SLC11A2: variants seen among roughly 807,000 people sequenced by gnomAD.
The protein encoded by SLC11A2 is solute carrier family 11 member 2, also known as natural resistance-associated macrophage protein 2.
Under a neutral mutation model 68.0 loss-of-function variants are expected in SLC11A2, and 38 were observed. The ratio of observed to expected loss-of-function variants is 0.56; its 90% CI spans 0.43 to 0.73. The LOEUF (loss-of-function observed/expected upper bound fraction) is 0.73, where lower values mean the gene tolerates loss of function less well. Among genes scored for constraint, SLC11A2 ranks in the 30% least tolerant of loss-of-function variants. The pLI is 0.00. For missense variants in SLC11A2, 517 were observed against 690.5 expected, an observed-to-expected ratio of 0.75 and a Z score of 2.82; for synonymous variants, 242 against 250.6, an observed-to-expected ratio of 0.97 and a Z score of 0.32.
chr12:50,987,524 G>A lies in SLC11A2; in HGVS notation c.*801C>T. The A allele has an allele frequency of 7.8e-7, 1 of 1,287,150 alleles. No homozygotes were observed. 79.7% of individuals were successfully genotyped at this position (1,287,150 alleles called of 1,614,324 possible). ...ACCCTCCTGGAGAAAGAAAGTTAAGGTTTTACAACCACATGTGCTCAAGAG... is the reference window on the plus strand; with the variant it reads ...ACCCTCCTGGAGAAAGAAAGTTAAGATTTTACAACCACATGTGCTCAAGAG... On this transcript the variant is annotated 3_prime_UTR_variant, in exon 16 of 16. Transcript: ENST00000262052.
chr12:51,001,816 A>G (rs1002396537), intron 5 of SLC11A2, among the ~76,000 whole-genome samples: 3 of 152,164 alleles, frequency 2.0e-5, no homozygotes, highest in African/African-American at 7.2e-5. Flanking sequence ...AGTGGGCAAC[A>G]AACAAGAGCA....
chr12:50,968,196 A>G, the SLC11A2 span, among the ~76,000 whole-genome samples: 1 of 152,184 alleles, frequency 6.6e-6, no homozygotes. Context: ...GGAGTTGGCT[A>G]AACAGTTTAT....
the SLC11A2 span, among the ~76,000 whole-genome samples, chr12:50,958,612 T>C: frequency 6.6e-6 from 1 of 151,634 alleles, no homozygotes; most frequent in Non-Finnish European, 1.5e-5. Flanking sequence ...AAGATAAAAG[T>C]GGAAAGAATC....
Position 50,990,875 on chromosome 12 carries a change from C to T in SLC11A2, c.1495G>A (p.Val499Ile), listed in dbSNP as rs756888979. 5 of 1,614,044 alleles carry T rather than the reference C, an allele frequency of 3.1e-6. No homozygotes were observed. The highest frequency in any genetic ancestry group is 4.2e-6 in the Non-Finnish European group (5 of 1,179,948). ...SINMYFVVVY[V>I]RDLGHVALYV... The stretch of plus-strand genomic sequence containing the variant: ...AATGCCACATGCCCTAGGTCCCGGA[C>T]ATAAACCACTACAAAGTACATATTG... The change falls in exon 15 of 16, where the codon GTC (valine) becomes ATC (isoleucine). Residue 499 changes from valine (V) to isoleucine (I), a missense_variant. Physicochemically the swap from Val to Ile is conservative, Grantham distance 29 (BLOSUM62 3). Transcript: ENST00000262052.
At chr12:51,005,918 G>C in intron 3 of SLC11A2, 2 of 337,064 alleles carry the variant, frequency 5.9e-6, no homozygotes, top group Non-Finnish European at 1.2e-5. Flanking sequence ...AACTAGTTCA[G>C]GCCATGATGG....
intron 3 of SLC11A2, among the ~76,000 whole-genome samples, chr12:51,007,802 A>G (rs1384208929): frequency 1.3e-5 from 2 of 152,064 alleles, no homozygotes; most frequent in Non-Finnish European, 2.9e-5. Flanking sequence ...CACCATGCCC[A>G]GCTAATTTTT....
the SLC11A2 span, chr12:50,970,510 T>C: frequency 6.6e-7 from 1 of 1,513,812 alleles, no homozygotes. Flanking sequence ...AAAATGAAGC[T>C]TACATGCTGG....
downstream of SLC11A2, among the ~76,000 whole-genome samples, chr12:50,975,868 AC>A (rs1332581010): frequency 6.6e-6 from 1 of 152,234 alleles, no homozygotes; most frequent in Non-Finnish European, 1.5e-5. Flanking sequence ...GAACACCCCT[AC>A]GCAAATAAAC....
chr12:50,956,804 G>C, the SLC11A2 span, among the ~76,000 whole-genome samples: 1 of 152,004 alleles, frequency 6.6e-6, no homozygotes, highest in Non-Finnish European at 1.5e-5. Flanking sequence ...TCATTTTCTT[G>C]ATTTTTCTTT....
the SLC11A2 span, among the ~76,000 whole-genome samples, chr12:50,967,039 A>G: frequency 6.6e-6 from 1 of 151,822 alleles, no homozygotes; most frequent in East Asian, 1.9e-4. Flanking sequence ...ACTTGAACCC[A>G]GGAGGCAGAG....
chr12:50,990,210 C>T (rs1025775692), intron 15 of SLC11A2, among the ~76,000 whole-genome samples: 1 of 151,992 alleles, frequency 6.6e-6, no homozygotes, highest in Admixed American at 6.6e-5. Flanking sequence ...GAGACTATCA[C>T]TATTTAATTA....
In SLC11A2 at chr12:51,026,318, C is replaced by T. The variant is rs1489652487; in HGVS notation, c.-47G>A. On this transcript the variant is annotated 5_prime_UTR_variant, in exon 1 of 16. Coordinates refer to ENST00000262052, the MANE Select transcript of SLC11A2 (RefSeq NM_000617.3). ...CCTTGCCTTCCCCTCACCTTACCAGCTCCGCAACCACCTGACACGCCGCCC... is the reference window on the plus strand; with the variant it reads ...CCTTGCCTTCCCCTCACCTTACCAGTTCCGCAACCACCTGACACGCCGCCC... The T allele has an allele frequency of 1.6e-6, 2 of 1,273,002 alleles. No homozygotes were observed. The highest frequency in any genetic ancestry group is 2.0e-6 in the Non-Finnish European group (2 of 976,776). 78.9% of individuals were successfully genotyped at this position (1,273,002 alleles called of 1,614,324 possible).
chr12:50,957,250 G>A, the SLC11A2 span, among the ~76,000 whole-genome samples: 2,132 of 148,922 alleles, frequency 0.014, 34 homozygotes, highest in Non-Finnish European at 0.025. Context: ...TCCCTCTGTC[G>A]CCCAGGCTGG....
intron 5 of SLC11A2, among the ~76,000 whole-genome samples, chr12:51,001,541 T>C (rs1451833024): frequency 1.4e-5 from 2 of 144,552 alleles, no homozygotes; most frequent in Non-Finnish European, 3.0e-5. Context: ...GCCTACGGAA[T>C]AGCCTTTCTT....
chr12:51,001,122 G>A (rs946868958), intron 5 of SLC11A2, among the ~76,000 whole-genome samples: 36 of 148,164 alleles, frequency 2.4e-4, no homozygotes, highest in African/African-American at 1.2e-4. Context: ...CTGAGATTGC[G>A]CCACTGCACT....
chr12:50,988,238 G>A lies in SLC11A2; in HGVS notation c.*87C>T. On this transcript the variant is annotated 3_prime_UTR_variant, in exon 16 of 16. Transcript: ENST00000262052. ...AGTCATAAACACAGTCTGTGCAACG[G>A]CACATACTTTTGGCTATGTTCACAC... The A allele has an allele frequency of 6.2e-7, 1 of 1,602,512 alleles. No individual in the cohort carries two copies. Among genetic ancestry groups the A allele is most frequent in the Non-Finnish European group, 8.5e-7 (1 of 1,174,482 alleles).
Position 50,992,204 on chromosome 12 carries a change from G to T in SLC11A2, c.1333C>A (p.Leu445Ile), listed in dbSNP as rs774796819. The T allele has an allele frequency of 1.9e-6, 3 of 1,614,008 alleles. No homozygotes were observed. Among genetic ancestry groups the T allele is most frequent in the Middle Eastern group, 1.7e-4 (1 of 6,060 alleles). ...LTGMNDFLNV[L>I]QSLQLPFALI... is the part of the protein sequence containing the mutation. ...TTCCTCCTCACCTGTAAGCTCTGTA[G>T]AACATTCAGAAAGTCATTCATCCCT... The change falls in exon 13 of 16, where the codon CTA becomes ATA. Residue 445 changes from leucine (L) to isoleucine (I), a missense_variant. By Grantham distance (5) the Leu-to-Ile change is conservative (BLOSUM62 2). Transcript: ENST00000262052.
intron 1 of SLC11A2, among the ~76,000 whole-genome samples, chr12:51,025,327 A>C (rs1944308870): frequency 6.6e-6 from 1 of 152,206 alleles, no homozygotes; most frequent in Non-Finnish European, 1.5e-5. Flanking sequence ...TTTATTAACT[A>C]ATTTCATACC....
rs149246501 is a variant in SLC11A2 at position 51,023,933 on chromosome 12, G to A, written c.-39+2377C>T. On this transcript the variant is annotated intron_variant, in intron 1 of 15. Coordinates refer to ENST00000262052, the MANE Select transcript of SLC11A2 (RefSeq NM_000617.3). ...TTGAGCCTGGGAGGTCAACCCTGCA[G>A]TGAGCTGTGATCATGCCACTGCACT... Among the ~76,000 whole-genome samples the A allele has an allele frequency of 2.7e-3, 418 of 152,114 alleles. 2 individuals carry two copies. Among genetic ancestry groups the A allele is most frequent in the African/African-American group, 9.3e-3 (384 of 41,500 alleles).
Sources: allele counts gnomAD v4.1 joint callset (sites outside exome capture counted in the v4.1 genomes callset), GRCh38; gene constraint gnomAD v4.1.1; transcripts MANE v1.5; gene names NCBI Gene and HGNC (gene_info 2026-07-23, HGNC 2026-07-21).